Variants in AVEN observed in about 807,000 individuals in gnomAD.
The protein encoded by AVEN is cell death regulator Aven.
AVEN carries 41 observed loss-of-function variants against 38.1 expected under a neutral mutation model. The observed-to-expected ratio is 1.08, with a 90% CI of 0.84 to 1.40. The LOEUF (loss-of-function observed/expected upper bound fraction) is 1.40. Among genes scored for constraint, AVEN ranks in the 40% most tolerant of loss-of-function variants. The pLI, the probability that AVEN is intolerant of heterozygous loss-of-function variation, is 0.00. For synonymous variants in AVEN, 206 were observed against 171.8 expected, an observed-to-expected ratio of 1.20 and a Z score of -1.56; for missense variants, 605 against 438.8, an observed-to-expected ratio of 1.38 and a Z score of -3.38.
At chr15:33,939,355 G>A (rs540586482) in intron 2 of AVEN, among the ~76,000 whole-genome samples, 2 of 152,232 alleles carry the variant, frequency 1.3e-5, no homozygotes, top group African/African-American at 4.8e-5. Context: ...TAGGAGACAG[G>A]AGCATAGGCT....
At chr15:33,933,518 CACACACAGAG>C (rs1567420630) in intron 2 of AVEN, among the ~76,000 whole-genome samples, 22 of 114,880 alleles carry the variant, frequency 1.9e-4, no homozygotes, top group South Asian at 2.9e-4. Context: ...CACACACACA[CACACACAGAG>C]AGAGAGAGAG....
chr15:33,930,633 G>C (rs912850062), intron 2 of AVEN, among the ~76,000 whole-genome samples: 5 of 152,144 alleles, frequency 3.3e-5, no homozygotes, highest in African/African-American at 1.2e-4. Context: ...TGTTCAATAT[G>C]AAATTCAGAA....
chr15:34,022,570 G>C (rs1482064139), intron 1 of AVEN, among the ~76,000 whole-genome samples: 1 of 152,184 alleles, frequency 6.6e-6, no homozygotes, highest in Non-Finnish European at 1.5e-5. Flanking sequence ...AAACTTTGAG[G>C]CTGGGCCACA....
At chr15:33,998,827 C>T (rs1339793569) in intron 2 of AVEN, among the ~76,000 whole-genome samples, 2 of 152,186 alleles carry the variant, frequency 1.3e-5, no homozygotes, top group East Asian at 3.8e-4. Context: ...TCTCTTTCCC[C>T]TAAACTCTAG....
chr15:33,860,498 T>C, intron 11 of AVEN: 1 of 656,216 alleles, frequency 1.5e-6, no homozygotes, highest in South Asian at 3.2e-5. Flanking sequence ...ATAATTCACT[T>C]TTTTTTTTTA....
chr15:34,048,192 C>T (rs1899790169), intron 5 of AVEN, among the ~76,000 whole-genome samples: 1 of 152,210 alleles, frequency 6.6e-6, no homozygotes, highest in East Asian at 1.9e-4. Flanking sequence ...CTTCTTTAAG[C>T]AGGACCCGGA....
chr15:34,062,372 A>G (rs938330129), intron 5 of AVEN, among the ~76,000 whole-genome samples: 5 of 151,940 alleles, frequency 3.3e-5, no homozygotes, highest in East Asian at 1.9e-4. Context: ...CGCCTAACAC[A>G]GTGAAACCCC....
intron 2 of AVEN, among the ~76,000 whole-genome samples, chr15:33,905,360 C>T (rs996981190): frequency 2.0e-4 from 30 of 152,016 alleles, no homozygotes; most frequent in Admixed American, 3.9e-4. Context: ...ATAATAACAC[C>T]CATTCTATAA....
downstream of AVEN, chr15:33,865,061 A>G (rs1008367617): frequency 1.6e-6 from 2 of 1,246,494 alleles, no homozygotes; most frequent in Non-Finnish European, 2.3e-6. Flanking sequence ...GCCACAAAGA[A>G]CAAAAACAAA....
intron 2 of AVEN, among the ~76,000 whole-genome samples, chr15:33,905,496 A>T (rs966564858): frequency 9.9e-5 from 15 of 152,144 alleles, no homozygotes; most frequent in Non-Finnish European, 1.5e-5. Flanking sequence ...TGCCAAACCA[A>T]ACTAATCTTC....
chr15:34,063,011 C>T lies in AVEN; in HGVS notation n.1548G>A, dbSNP rs368054329. On this transcript the variant is annotated non_coding_transcript_exon_variant, in exon 5 of 12. Transcript: ENST00000675287. This position sits in a 1 kb window ranked among gnomAD's most constrained non-coding sequence, Gnocchi z 4.1. The stretch of plus-strand genomic sequence containing the variant: ...ACATCCTCATGGGACGCTGGGCTCT[C>T]GGGAGTCTGGCTTGTGACCTTTGGC... 76 of 1,614,212 alleles carry T rather than the reference C, an allele frequency of 4.7e-5. No individual in the cohort carries two copies. Among genetic ancestry groups the T allele is most frequent in the African/African-American group, 2.4e-4 (18 of 75,068 alleles).
intron 2 of AVEN, among the ~76,000 whole-genome samples, chr15:33,889,827 G>A (rs1891858112): frequency 6.6e-6 from 1 of 152,182 alleles, no homozygotes; most frequent in African/African-American, 2.4e-5. Flanking sequence ...CGGAGCAGCT[G>A]TGGCTTCTTG....
At chr15:34,057,142 G>GTTTTT (rs763552413) in intron 5 of AVEN, among the ~76,000 whole-genome samples, 1 of 148,770 alleles carries the variant, frequency 6.7e-6, no homozygotes. Context: ...GTTTTTTTTG[G>GTTTTT]TTTTTTTTTT....
downstream of AVEN, chr15:33,856,789 GGTGGGAT>G (rs2079715773): frequency 6.6e-6 from 1 of 152,458 alleles, no homozygotes. Flanking sequence ...CTCCCAAGTA[GGTGGGAT>G]TACAGGCACA....
intron 2 of AVEN, among the ~76,000 whole-genome samples, chr15:33,995,372 GATATT>G (rs1896890723): frequency 1.3e-5 from 2 of 152,082 alleles, no homozygotes; most frequent in Non-Finnish European, 2.9e-5. Context: ...CATTGCATTA[GATATT>G]ATAAGTGATT....
At chr15:33,889,680 C>A (rs1891852616) in intron 2 of AVEN, among the ~76,000 whole-genome samples, 1 of 152,126 alleles carries the variant, frequency 6.6e-6, no homozygotes, top group South Asian at 2.1e-4. Flanking sequence ...TTCTACAGAG[C>A]TGTGATTTAA....
chr15:33,988,096 C>T (rs1197005258), intron 2 of AVEN, among the ~76,000 whole-genome samples: 1 of 152,220 alleles, frequency 6.6e-6, no homozygotes, highest in Admixed American at 6.5e-5. Flanking sequence ...GGGCTTCTGT[C>T]CAGGTGCCTG....
At chr15:33,986,464 C>T (rs1052822554) in intron 2 of AVEN, among the ~76,000 whole-genome samples, 2 of 151,974 alleles carry the variant, frequency 1.3e-5, no homozygotes, top group African/African-American at 4.8e-5. Flanking sequence ...TCTACAACTA[C>T]AGAATTTTAA....
intron 2 of AVEN, among the ~76,000 whole-genome samples, chr15:33,970,713 C>A (rs1027768289): frequency 9.9e-5 from 15 of 151,808 alleles, no homozygotes; most frequent in Non-Finnish European, 2.2e-4. Context: ...TTCTACTATG[C>A]TCAATTTGCT....
Sources: gnomAD v4.1 joint callset for allele counts (sites outside exome capture counted in the v4.1 genomes callset) on GRCh38, gnomAD v4.1.1 for gene constraint, Gnocchi (gnomAD v3.1) non-coding constraint, MANE v1.5 for transcripts, NCBI Gene and HGNC (gene_info 2026-07-23, HGNC 2026-07-21) for gene names.